ADGRB3: variants seen among roughly 807,000 people sequenced by gnomAD.
ADGRB3 encodes the protein adhesion G protein-coupled receptor B3.
Under a neutral mutation model 193.4 loss-of-function variants are expected in ADGRB3, and 37 were observed. The ratio of observed to expected loss-of-function variants is 0.19; its 90% confidence interval spans 0.15 to 0.25. The LOEUF (loss-of-function observed/expected upper bound fraction) is 0.25. ADGRB3 is among the 10% of genes least tolerant of loss of function. The pLI is 1.00. For missense variants in ADGRB3, 1,637 were observed against 1,852.9 expected (o/e 0.88, Z 2.14); for synonymous variants, 690 against 644.2 (o/e 1.07, Z -1.08).
intron 28 of ADGRB3, among the ~76,000 whole-genome samples, chr6:69,358,695 A>C (rs960439940): frequency 7.9e-5 from 12 of 151,784 alleles, no homozygotes; most frequent in African/African-American, 2.9e-4. Flanking sequence ...CCAAATATTC[A>C]GTTGCTTTAT....
chr6:68,807,133 A>G (rs1767415389), intron 3 of ADGRB3, among the ~76,000 whole-genome samples: 1 of 152,268 alleles, frequency 6.6e-6, no homozygotes, highest in South Asian at 2.1e-4. Flanking sequence ...AGTAAAGCCC[A>G]ATTTTAGTTA....
In ADGRB3 at chr6:68,635,627, T is replaced by A. The variant is rs1479819326; in HGVS notation, c.-561T>A. 1 of 152,644 alleles carries A rather than the reference T, an allele frequency of 6.6e-6. No homozygotes were observed. The highest frequency in any genetic ancestry group is 1.5e-5 in the Non-Finnish European group (1 of 68,470). The allele number at this position is 152,644 out of a possible 1,614,324, so 9.5% of individuals were successfully genotyped here. On this transcript the variant is annotated 5_prime_UTR_variant, in exon 1 of 32. Transcript: ENST00000370598. ...TTCTTGGTTTGTTGGGGGTAGCTTT[T>A]ATGAAACAAATCTTTGCTATTAAGC...
chr6:68,817,936 CA>C (rs762590951), intron 3 of ADGRB3, among the ~76,000 whole-genome samples: 1 of 152,130 alleles, frequency 6.6e-6, no homozygotes, highest in East Asian at 1.9e-4. Context: ...TTGTGATTTG[CA>C]TCATTTTAGA....
At chr6:68,860,956 A>G (rs1765136371) in intron 3 of ADGRB3, among the ~76,000 whole-genome samples, 1 of 152,186 alleles carries the variant, frequency 6.6e-6, no homozygotes, top group African/African-American at 2.4e-5. Context: ...TTAGTTACAA[A>G]GTGGAATATG....
rs528081096 is a variant in ADGRB3, at chr6:68,827,207, T to C, written c.758-103352T>C. Among the ~76,000 whole-genome samples, 8 of 151,988 alleles carry C rather than the reference T, an allele frequency of 5.3e-5. No homozygotes were observed. The East Asian group carries it at 1.6e-3, about 30-fold the overall frequency. ...CAGCCCTTTAATTAGGAGAACAACA[T>C]GTTAAGTGTGGTGTCCTGGAAGTTA... On this transcript the variant is annotated intron_variant, in intron 3 of 31. Transcript: ENST00000370598.
At chr6:69,232,653 G>A in intron 17 of ADGRB3, 1 of 1,529,894 alleles carries the variant, frequency 6.5e-7, no homozygotes, top group Non-Finnish European at 8.8e-7. Context: ...CCCTCCCCTG[G>A]ATACCAGGCA....
At chr6:69,041,880 C>T (rs1403564524) in intron 13 of ADGRB3, among the ~76,000 whole-genome samples, 1 of 152,180 alleles carries the variant, frequency 6.6e-6, no homozygotes, top group Admixed American at 6.5e-5. Flanking sequence ...ATGTGAGCCA[C>T]CATGCCTGGC....
intron 3 of ADGRB3, among the ~76,000 whole-genome samples, chr6:68,643,336 A>G (rs1228015126): frequency 1.3e-5 from 2 of 150,000 alleles, no homozygotes; most frequent in East Asian, 2.0e-4. Context: ...ATTTGAGTCT[A>G]TGTCAGTTTA....
intron 20 of ADGRB3, among the ~76,000 whole-genome samples, chr6:69,261,919 T>C (rs1469237704): frequency 3.3e-5 from 5 of 152,038 alleles, no homozygotes; most frequent in African/African-American, 1.2e-4. Flanking sequence ...TGTAAAATAA[T>C]TTAGGTCTAA....
At chr6:69,320,667 T>C (rs928520103) in intron 20 of ADGRB3, among the ~76,000 whole-genome samples, 1 of 151,740 alleles carries the variant, frequency 6.6e-6, no homozygotes, top group Non-Finnish European at 1.5e-5. Flanking sequence ...TTCTACTGCC[T>C]TCTTGTACCC....
At chr6:69,066,918 A>G (rs188034561) in intron 16 of ADGRB3, among the ~76,000 whole-genome samples, 179 of 152,244 alleles carry the variant, frequency 1.2e-3, no homozygotes, top group African/African-American at 4.2e-3. Flanking sequence ...CACATATGCT[A>G]TTAGGATCCC....
intron 3 of ADGRB3, among the ~76,000 whole-genome samples, chr6:68,729,889 C>G (rs1469700575): frequency 6.6e-6 from 1 of 151,416 alleles, no homozygotes; most frequent in Non-Finnish European, 1.5e-5. Flanking sequence ...AAGTTATAAA[C>G]TGGCAAAGTA....
At chr6:69,173,089 G>A (rs1775329755) in intron 17 of ADGRB3, among the ~76,000 whole-genome samples, 1 of 152,208 alleles carries the variant, frequency 6.6e-6, no homozygotes, top group Admixed American at 6.5e-5. Flanking sequence ...CCAGGCTAGA[G>A]TACAGTGGTG....
chr6:69,346,545 T>A (rs1229533765), intron 26 of ADGRB3, among the ~76,000 whole-genome samples: 1 of 152,028 alleles, frequency 6.6e-6, no homozygotes, highest in African/African-American at 2.4e-5. Context: ...GAGGAAAGGA[T>A]ATGAACAGAC....
chr6:68,859,799 A>G (rs995426254), intron 3 of ADGRB3, among the ~76,000 whole-genome samples: 2 of 152,214 alleles, frequency 1.3e-5, no homozygotes, highest in Admixed American at 6.5e-5. Context: ...GCCAAACCAT[A>G]TCAGTGTTTA....
intron 17 of ADGRB3, among the ~76,000 whole-genome samples, chr6:69,177,958 G>A (rs1468028054): frequency 6.6e-6 from 1 of 152,104 alleles, no homozygotes; most frequent in Non-Finnish European, 1.5e-5. Context: ...AGCTCCAATT[G>A]GTCAAGTGTC....
chr6:68,657,303 A>AG (rs2127284728), intron 3 of ADGRB3, among the ~76,000 whole-genome samples: 1 of 151,524 alleles, frequency 6.6e-6, no homozygotes, highest in African/African-American at 2.4e-5. Context: ...TGTTTTCTGT[A>AG]GGGGGCAAAG....
intron 20 of ADGRB3, among the ~76,000 whole-genome samples, chr6:69,279,071 G>GTGTGTGTATA: frequency 1.4e-5 from 1 of 71,390 alleles, no homozygotes. Flanking sequence ...AAATACATAT[G>GTGTGTGTATA]TATATATATA....
intron 3 of ADGRB3, among the ~76,000 whole-genome samples, chr6:68,867,468 G>T (rs1424452778): frequency 3.3e-5 from 5 of 152,208 alleles, no homozygotes; most frequent in African/African-American, 9.6e-5. Context: ...CCCTCATGGA[G>T]AACCTCTACT....
Sources: gnomAD v4.1 joint callset for allele counts (sites outside exome capture counted in the v4.1 genomes callset) on GRCh38, gnomAD v4.1.1 for gene constraint, MANE v1.5 for transcripts, NCBI Gene and HGNC (gene_info 2026-07-23, HGNC 2026-07-21) for gene names.